The following BRD10 variants were observed in gnomAD, a reference collection of about 807,000 sequenced individuals.
BRD10 encodes bromodomain containing 10, also known as uncharacterized bromodomain-containing protein 10.
chr9:6,007,986 G>T, the BRD10 span: 1 of 1,279,266 alleles, frequency 7.8e-7, no homozygotes, highest in South Asian at 2.6e-5. Context: ...GTTACATGGC[G>T]CGCGAGGAGG....
chr9:5,938,524 G>A, the BRD10 span, among the ~76,000 whole-genome samples: 1 of 152,102 alleles, frequency 6.6e-6, no homozygotes, highest in South Asian at 2.1e-4. Flanking sequence ...CTCTGTAAGT[G>A]AATTCCTTGA....
chr9:5,971,715 G>A, the BRD10 span, among the ~76,000 whole-genome samples: 3 of 152,140 alleles, frequency 2.0e-5, no homozygotes, highest in South Asian at 4.2e-4. Flanking sequence ...AATGTGCTTA[G>A]AGTTTTATGG....
the BRD10 span, among the ~76,000 whole-genome samples, chr9:5,881,845 A>G: frequency 5.9e-5 from 9 of 152,334 alleles, no homozygotes; most frequent in African/African-American, 2.2e-4. Flanking sequence ...ACTAGAGATG[A>G]GATCTGAGTG....
the BRD10 span, among the ~76,000 whole-genome samples, chr9:5,925,204 C>G: frequency 2.0e-5 from 3 of 151,604 alleles, no homozygotes; most frequent in Admixed American, 1.3e-4. Context: ...ACTAAAAATA[C>G]AAAAATTAGC....
chr9:5,935,770 T>C, the BRD10 span, among the ~76,000 whole-genome samples: 1,561 of 152,298 alleles, frequency 0.01, 27 homozygotes, highest in African/African-American at 0.034. Context: ...TCCTACTTAC[T>C]TTTATTTTTT....
chr9:5,900,672 T>C, the BRD10 span, among the ~76,000 whole-genome samples: 3 of 152,136 alleles, frequency 2.0e-5, no homozygotes, highest in African/African-American at 4.8e-5. Context: ...GAGAGGCTGG[T>C]TGGAATTTAG....
At chr9:6,004,530 A>G in the BRD10 span, among the ~76,000 whole-genome samples, 1 of 152,238 alleles carries the variant, frequency 6.6e-6, no homozygotes, top group Non-Finnish European at 1.5e-5. Context: ...TGCTCACTAG[A>G]AAGCTCAGCA....
the BRD10 span, chr9:5,892,376 T>C: frequency 9.4e-7 from 1 of 1,063,920 alleles, no homozygotes; most frequent in South Asian, 1.7e-5. Flanking sequence ...GAGGATGCTG[T>C]TGTGGGTCTT....
chr9:5,916,764 AAGTATAAAAACATGACTCTCC>A, the BRD10 span, among the ~76,000 whole-genome samples: 6 of 152,226 alleles, frequency 3.9e-5, no homozygotes, highest in Admixed American at 3.9e-4. Context: ...ATTCTATACT[AAGTATAAAAACATGACTCTCC>A]AGTATCATGA....
chr9:5,991,721 TCTTA>T, the BRD10 span, among the ~76,000 whole-genome samples: 1 of 128,398 alleles, frequency 7.8e-6, no homozygotes, highest in African/African-American at 3.4e-5. Context: ...AAAGACTCTG[TCTTA>T]AAAAAAAAAA....
chr9:5,943,995 G>T, the BRD10 span, among the ~76,000 whole-genome samples: 1 of 151,984 alleles, frequency 6.6e-6, no homozygotes, highest in African/African-American at 2.4e-5. Context: ...CATATAAAAT[G>T]ACTAACACAA....
the BRD10 span, among the ~76,000 whole-genome samples, chr9:5,984,603 A>C: frequency 6.6e-6 from 1 of 152,202 alleles, no homozygotes; most frequent in African/African-American, 2.4e-5. Context: ...CTAATAGCAC[A>C]GTTTCAAATT....
the BRD10 span, among the ~76,000 whole-genome samples, chr9:6,003,718 G>C: frequency 1.3e-5 from 2 of 152,020 alleles, no homozygotes; most frequent in Non-Finnish European, 2.9e-5. Flanking sequence ...GAAACTGAAA[G>C]AGCAGACCTG....
chr9:5,941,606 T>C, the BRD10 span, among the ~76,000 whole-genome samples: 1 of 152,124 alleles, frequency 6.6e-6, no homozygotes, highest in Non-Finnish European at 1.5e-5. Flanking sequence ...TAAAAGCATT[T>C]TTCTCTTCAC....
chr9:5,904,964 G>T, the BRD10 span, among the ~76,000 whole-genome samples: 3 of 151,840 alleles, frequency 2.0e-5, no homozygotes, highest in South Asian at 6.2e-4. Context: ...TAGTAGAGAT[G>T]TCATTTCACT....
the BRD10 span, among the ~76,000 whole-genome samples, chr9:5,879,005 C>T: frequency 6.6e-6 from 1 of 152,194 alleles, no homozygotes; most frequent in Non-Finnish European, 1.5e-5. Context: ...GGTTTCTTCT[C>T]CCCCATGGAG....
the BRD10 span, among the ~76,000 whole-genome samples, chr9:5,916,794 G>T: frequency 6.6e-6 from 1 of 152,032 alleles, no homozygotes; most frequent in Non-Finnish European, 1.5e-5. Flanking sequence ...CCAGTATCAT[G>T]AATCTTTTCA....
the BRD10 span, among the ~76,000 whole-genome samples, chr9:5,963,767 T>C: frequency 6.6e-6 from 1 of 152,078 alleles, no homozygotes; most frequent in South Asian, 2.1e-4. Flanking sequence ...TACAACTATA[T>C]GATCTTTGAC....
the BRD10 span, among the ~76,000 whole-genome samples, chr9:5,930,522 A>C: frequency 6.6e-6 from 1 of 151,962 alleles, no homozygotes; most frequent in African/African-American, 2.4e-5. Flanking sequence ...GTAAATTTCT[A>C]CCTCTGAGGT....
Sources: gnomAD v4.1 joint callset for allele counts (sites outside exome capture counted in the v4.1 genomes callset) on GRCh38, gnomAD v4.1.1 for gene constraint, MANE v1.5 for transcripts, NCBI Gene and HGNC (gene_info 2026-07-23, HGNC 2026-07-21) for gene names.